Variants in ABLIM3 observed in about 807,000 individuals in gnomAD.
ABLIM3 encodes actin-binding LIM protein 3.
In ABLIM3, 61 loss-of-function variants were observed where a neutral mutation model predicts 109.5. That is an observed-to-expected ratio of 0.56 (90% confidence interval 0.45 to 0.69). The LOEUF (loss-of-function observed/expected upper bound fraction) is 0.69. ABLIM3 is among the 30% of genes least tolerant of loss of function. The pLI is 0.00. For synonymous variants in ABLIM3, 300 were observed against 324.8 expected, an observed-to-expected ratio of 0.92 and a Z score of 0.82; for missense variants, 796 against 889.5, an observed-to-expected ratio of 0.89 and a Z score of 1.34.
intron 8 of ABLIM3, chr5:149,217,278 G>A (rs2918278): frequency 0.47 from 259,147 of 556,312 alleles, 61,801 homozygotes; most frequent in East Asian, 0.58. Flanking sequence ...ACCTCCACCC[G>A]CTGCCCAGCT....
intron 8 of ABLIM3, among the ~76,000 whole-genome samples, chr5:149,228,309 C>T (rs1484560350): frequency 6.6e-6 from 1 of 152,176 alleles, no homozygotes; most frequent in African/African-American, 2.4e-5. Flanking sequence ...TCTGTTAAGT[C>T]TCTTCTTCAG....
chr5:149,222,413 A>G (rs11957924), intron 8 of ABLIM3, among the ~76,000 whole-genome samples: 2,668 of 152,180 alleles, frequency 0.018, 82 homozygotes, highest in African/African-American at 0.06. Context: ...AAACTGGTTC[A>G]TGGTCAGCCT....
intron 11 of ABLIM3, among the ~76,000 whole-genome samples, chr5:149,238,282 A>G (rs1001990206): frequency 5.9e-5 from 9 of 152,312 alleles, no homozygotes; most frequent in African/African-American, 1.9e-4. Flanking sequence ...ACCTTATCCC[A>G]GACCCCTTGA....
chr5:149,192,647 A>C (rs1475022291), intron 3 of ABLIM3, among the ~76,000 whole-genome samples: 1 of 151,034 alleles, frequency 6.6e-6, no homozygotes, highest in African/African-American at 2.4e-5. Flanking sequence ...GAAAAAAAAA[A>C]AAAAGAAAGA....
At chr5:149,151,411 A>G (rs942710912) in intron 2 of ABLIM3, among the ~76,000 whole-genome samples, 4 of 152,246 alleles carry the variant, frequency 2.6e-5, no homozygotes, top group African/African-American at 7.2e-5. Context: ...TGGGGACACA[A>G]TTCAATCCAT....
chr5:149,160,040 A>G (rs1754197836), intron 2 of ABLIM3, among the ~76,000 whole-genome samples: 1 of 152,304 alleles, frequency 6.6e-6, no homozygotes, highest in South Asian at 2.1e-4. Flanking sequence ...CACACTTTGT[A>G]AATATCTGTT....
At chr5:149,155,819 T>C (rs541346468) in intron 2 of ABLIM3, among the ~76,000 whole-genome samples, 57 of 152,008 alleles carry the variant, frequency 3.7e-4, no homozygotes, top group African/African-American at 1.4e-3. Context: ...ACGCTGGGAG[T>C]TGGTGAGGAT....
At position 149,247,895 on chromosome 5, in the gene ABLIM3, G is replaced by C; in HGVS notation, c.1665G>C (p.Leu555=). The C allele has an allele frequency of 6.2e-7, 1 of 1,614,208 alleles. No individual in the cohort carries two copies. Residue 555 remains leucine (L), a synonymous_variant, in exon 18 of 24, where the codon CTG becomes CTC. Coordinates refer to ENST00000309868, the MANE Select transcript of ABLIM3 (RefSeq NM_014945.5). ...PRSSTSSREA[L]HTAGYEMSLN... is the part of the protein sequence containing the mutation. ...GCTCCACCAGCAGCCGGGAAGCCCT[G>C]CACACAGCTGGCTATGAGATGTCCC...
At chr5:149,201,253 C>A (rs1003303336) in intron 5 of ABLIM3, among the ~76,000 whole-genome samples, 9 of 152,298 alleles carry the variant, frequency 5.9e-5, no homozygotes, top group African/African-American at 2.2e-4. Flanking sequence ...CACACATAGA[C>A]CCTGCCCCCT....
chr5:149,195,937 G>A (rs1757927940), intron 3 of ABLIM3, among the ~76,000 whole-genome samples: 1 of 152,212 alleles, frequency 6.6e-6, no homozygotes, highest in South Asian at 2.1e-4. Flanking sequence ...CGTATAGTAA[G>A]CGCTAAAGGA....
chr5:149,252,254 C>A, intron 22 of ABLIM3, 46 bp downstream of exon 22: 1 of 1,604,610 alleles, frequency 6.2e-7, no homozygotes, highest in South Asian at 1.1e-5. Context: ...ATTCTTGGAG[C>A]CGCTACACTG....
At chr5:149,216,860 A>T in intron 7 of ABLIM3, 99 bp from the exon 8 acceptor site, 1 of 1,091,640 alleles carries the variant, frequency 9.2e-7, no homozygotes. Context: ...ATGAAGATGC[A>T]AACAACACTA....
intron 3 of ABLIM3, among the ~76,000 whole-genome samples, chr5:149,195,553 A>G (rs1331821160): frequency 6.6e-6 from 1 of 151,946 alleles, no homozygotes; most frequent in Non-Finnish European, 1.5e-5. Flanking sequence ...AAGTTTTCCT[A>G]TGGTGGCCTG....
chr5:149,243,643 T>G (rs1753070749), intron 15 of ABLIM3: 2 of 152,326 alleles, frequency 1.3e-5, no homozygotes, highest in African/African-American at 4.8e-5. Context: ...TCTGTGAGCA[T>G]GTGCAAGTCT....
chr5:149,179,387 A>G (rs912750716), intron 2 of ABLIM3, among the ~76,000 whole-genome samples: 16 of 152,156 alleles, frequency 1.1e-4, no homozygotes, highest in Admixed American at 8.5e-4. Context: ...ATTCTCGGAA[A>G]GATTAGGTTT....
Position 149,162,064 on chromosome 5 carries a change from G to A in ABLIM3, c.13+19956G>A, listed in dbSNP as rs75885781. 8.1e-3 allele frequency among the ~76,000 whole-genome samples: 1,227 copies of A among 152,270 alleles called. 86 individuals carry two copies. In the East Asian group the frequency reaches 0.15, roughly 19 times the overall value. ...GAGTGATCCTTGCCTCACCTGATTC[G>A]TGGTTGGTGATGATCAAATGAGGCA... On this transcript the variant is annotated intron_variant, in intron 2 of 23. Coordinates refer to ENST00000309868, the MANE Select transcript of ABLIM3 (RefSeq NM_014945.5).
chr5:149,165,158 A>G (rs1266227445), intron 2 of ABLIM3, among the ~76,000 whole-genome samples: 1 of 152,230 alleles, frequency 6.6e-6, no homozygotes, highest in Non-Finnish European at 1.5e-5. Flanking sequence ...AAGGTCATCT[A>G]GTCTAATAAC....
At chr5:149,203,174 C>G (rs1758641550) in intron 5 of ABLIM3, among the ~76,000 whole-genome samples, 1 of 151,886 alleles carries the variant, frequency 6.6e-6, no homozygotes, top group African/African-American at 2.4e-5. Context: ...ATCATCACCA[C>G]AATCATCACC....
At chr5:149,165,273 G>T (rs745481540) in intron 2 of ABLIM3, among the ~76,000 whole-genome samples, 2 of 152,174 alleles carry the variant, frequency 1.3e-5, no homozygotes, top group Non-Finnish European at 2.9e-5. Flanking sequence ...GAATGATTCT[G>T]TAGCAAGAGT....
Sources: gnomAD v4.1 joint callset for allele counts (sites outside exome capture counted in the v4.1 genomes callset) on GRCh38, gnomAD v4.1.1 for gene constraint, MANE v1.5 for transcripts, NCBI Gene and HGNC (gene_info 2026-07-23, HGNC 2026-07-21) for gene names.